BTAF1: variants seen among roughly 807,000 people sequenced by gnomAD.
BTAF1 encodes B-TFIID TATA-box binding protein associated factor 1.
A neutral mutation model predicts 227.1 loss-of-function variants in BTAF1; 38 were observed. The observed-to-expected ratio is 0.17, with a 90% CI of 0.13 to 0.22. The LOEUF (loss-of-function observed/expected upper bound fraction) is 0.22. BTAF1 is among the 10% of genes least tolerant of loss of function. The probability of loss-of-function intolerance (pLI) is 1.00; values close to 1 mark genes in which losing one functional copy is unlikely to be tolerated. For missense variants in BTAF1, 1,598 were observed against 2,204.0 expected (o/e 0.73, Z 5.51); for synonymous variants, 742 against 751.9 (o/e 0.99, Z 0.21).
At chr10:91,951,593 T>A in intron 5 of BTAF1, 27 bp downstream of exon 5, 1 of 1,562,728 alleles carries the variant, frequency 6.4e-7, no homozygotes, top group Non-Finnish European at 8.6e-7. Context: ...GTTATTTGAT[T>A]GCAAGTAATA....
chr10:91,940,452 A>G (rs967376043), intron 3 of BTAF1, among the ~76,000 whole-genome samples: 12 of 152,020 alleles, frequency 7.9e-5, no homozygotes, highest in African/African-American at 2.9e-4. Flanking sequence ...GCACAATTAT[A>G]TATGGATATT....
intron 13 of BTAF1, among the ~76,000 whole-genome samples, 160 bp from the exon 14 acceptor site, chr10:91,966,477 C>T (rs1040339710): frequency 2.6e-5 from 4 of 152,120 alleles, no homozygotes; most frequent in African/African-American, 7.2e-5. Context: ...GACATTGTTA[C>T]ATGAATGTTC....
chr10:91,990,885 T>C (rs7071659), intron 20 of BTAF1, among the ~76,000 whole-genome samples: 4 of 151,892 alleles, frequency 2.6e-5, no homozygotes, highest in Non-Finnish European at 4.4e-5. Context: ...GGTGAGCAGA[T>C]AACTTGAGGC....
chr10:91,978,950 C>T (rs561834091), intron 14 of BTAF1, among the ~76,000 whole-genome samples: 1 of 150,550 alleles, frequency 6.6e-6, no homozygotes, highest in Admixed American at 6.7e-5. Flanking sequence ...GCTTAATAAC[C>T]AGTAGTTATT....
At position 92,026,557 on chromosome 10, in the gene BTAF1, A is replaced by C. The variant is rs745760057; in HGVS notation, c.5076-35A>C. ...AACAGTTTCTGTTATAGGACTTAAG[A>C]ATGGACTAATTTTATTTTTGTTATC... On this transcript the variant is annotated intron_variant, in intron 35 of 37. Coordinates refer to ENST00000265990, the MANE Select transcript of BTAF1 (RefSeq NM_003972.3). The C allele has an allele frequency of 3.2e-6, 5 of 1,539,992 alleles. No homozygotes were observed. In the South Asian group the frequency reaches 5.9e-5, roughly 18 times the overall value.
intron 14 of BTAF1, among the ~76,000 whole-genome samples, chr10:91,977,793 A>G (rs1240910527): frequency 1.3e-5 from 2 of 152,072 alleles, no homozygotes; most frequent in Non-Finnish European, 2.9e-5. Context: ...TCGTTGTTTT[A>G]ATTTGTATTT....
rs1848966935 is a variant in BTAF1 at position 91,993,828 on chromosome 10, A to C, written c.3180A>C (p.Thr1060=). ...WDAMVGPLRN[T]IDINNFDGKS... is the part of the protein sequence containing the mutation. ...CTATGGTTGGCCCATTGAGGAATACAATCGACATAAATAATTTTGGTATAC... is the reference window on the plus strand; with the variant it reads ...CTATGGTTGGCCCATTGAGGAATACCATCGACATAAATAATTTTGGTATAC... Residue 1060 remains threonine, a synonymous_variant, in exon 22 of 38, where the codon ACA becomes ACC. Transcript: ENST00000265990. The C allele has an allele frequency of 1.3e-6, 2 of 1,595,960 alleles. No individual in the cohort carries two copies. Among genetic ancestry groups the C allele is most frequent in the South Asian group, 2.3e-5 (2 of 86,548 alleles).
chr10:91,985,938 G>C (rs928545834), intron 19 of BTAF1, among the ~76,000 whole-genome samples: 10 of 151,326 alleles, frequency 6.6e-5, no homozygotes, highest in African/African-American at 9.7e-5. Flanking sequence ...TGCTGTCTTT[G>C]GATGAGCAGA....
At chr10:91,933,842 C>T (rs759113329) in intron 1 of BTAF1, among the ~76,000 whole-genome samples, 13 of 152,118 alleles carry the variant, frequency 8.5e-5, no homozygotes, top group Non-Finnish European at 2.9e-5. Flanking sequence ...AGAGAGAGCT[C>T]TGCATATTGG....
intron 14 of BTAF1, among the ~76,000 whole-genome samples, chr10:91,977,828 A>G (rs1385924943): frequency 2.0e-5 from 3 of 152,196 alleles, no homozygotes; most frequent in Non-Finnish European, 2.9e-5. Flanking sequence ...GATGTGGGCC[A>G]TCTTTTCATA....
At position 91,942,538 on chromosome 10, in the gene BTAF1, G is replaced by A. The variant is rs1360685927; in HGVS notation, c.370G>A (p.Ala124Thr). Residue 124 changes from alanine to threonine, a missense_variant, in exon 4 of 38, where the codon GCC becomes ACC. Around this residue, in one of 10 missense-constraint regions of BTAF1, gnomAD observed 298 missense variants for 395.2 expected, o/e 0.75. Coordinates refer to ENST00000265990, the MANE Select transcript of BTAF1 (RefSeq NM_003972.3). ...HGASLLGSAG[A>T]EFEVQDEKSG... ...TGCATCACTCCTGGGATCTGCTGGT[G>A]CCGAATTTGAAGTCCAAGATGAAAA... 6.2e-7 allele frequency: 1 copy of A among 1,614,088 alleles called. No homozygotes were observed. Among genetic ancestry groups the A allele is most frequent in the Non-Finnish European group, 8.5e-7 (1 of 1,180,000 alleles).
chr10:91,993,520 A>T (rs908689605), intron 21 of BTAF1, among the ~76,000 whole-genome samples, 174 bp from the exon 22 acceptor site: 6 of 152,194 alleles, frequency 3.9e-5, no homozygotes, highest in Non-Finnish European at 7.3e-5. Context: ...GCCCCTGTAA[A>T]TTTAATTATT....
Position 91,993,691 on chromosome 10 carries a change from A to C in BTAF1, c.3046-3A>C. The C allele has an allele frequency of 5.5e-6, 8 of 1,448,550 alleles. No homozygotes were observed. The highest frequency in any genetic ancestry group is 7.3e-6 in the Non-Finnish European group (8 of 1,090,100). The allele number at this position is 1,448,550 out of a possible 1,614,324, so 89.7% of individuals were successfully genotyped here. On this transcript the variant is annotated splice_region_variant and splice_polypyrimidine_tract_variant and intron_variant, in intron 21 of 37. Transcript: ENST00000265990. ...CTGTTTTTATCTAACATTTAATTTT[A>C]AGGCCCAGAAGCCTTACCTGGTACA...
chr10:91,978,052 C>A (rs932860687), intron 14 of BTAF1, among the ~76,000 whole-genome samples: 6 of 152,182 alleles, frequency 3.9e-5, no homozygotes, highest in Non-Finnish European at 8.8e-5. Flanking sequence ...CTTTAGGGTT[C>A]ACCCTCAGTA....
At chr10:91,932,625 A>G (rs1844345222) in intron 1 of BTAF1, among the ~76,000 whole-genome samples, 1 of 152,208 alleles carries the variant, frequency 6.6e-6, no homozygotes, top group Admixed American at 6.5e-5. Context: ...GTGACAAATT[A>G]ATGTGAGAGA....
intron 8 of BTAF1, 25 bp from the exon 9 acceptor site, chr10:91,959,040 A>C (rs376827845): frequency 6.3e-7 from 1 of 1,596,908 alleles, no homozygotes; most frequent in Non-Finnish European, 8.6e-7. Context: ...TTAACATCTG[A>C]CATTTGCTTC....
At chr10:91,937,632 A>G (rs1252935748) in intron 2 of BTAF1, among the ~76,000 whole-genome samples, 2 of 152,216 alleles carry the variant, frequency 1.3e-5, no homozygotes, top group Non-Finnish European at 2.9e-5. Context: ...TCTTATTGCC[A>G]AATAATATTC....
At chr10:91,950,921 C>T (rs1845732014) in intron 4 of BTAF1, among the ~76,000 whole-genome samples, 1 of 150,910 alleles carries the variant, frequency 6.6e-6, no homozygotes, top group Non-Finnish European at 1.5e-5. Flanking sequence ...CAGCCTTGAC[C>T]TGGGCTGAAG....
intron 3 of BTAF1, 88 bp downstream of exon 3, chr10:91,940,154 T>C: frequency 2.5e-6 from 2 of 809,248 alleles, no homozygotes; most frequent in South Asian, 4.1e-5. Context: ...ATAATTTCAA[T>C]TTTAAAGTCT....
Sources: gnomAD v4.1 joint callset for allele counts (sites outside exome capture counted in the v4.1 genomes callset) on GRCh38, gnomAD v4.1.1 for gene constraint, gnomAD v4.1.1 regional missense constraint, MANE v1.5 for transcripts, NCBI Gene and HGNC (gene_info 2026-07-23, HGNC 2026-07-21) for gene names.